The following NLRP7 variants were observed in gnomAD, a reference collection of about 807,000 sequenced individuals.
NLRP7 encodes NLR family pyrin domain containing 7, also known as NACHT, LRR and PYD domains-containing protein 7.
A neutral mutation model predicts 85.5 loss-of-function variants in NLRP7; 72 were observed. The observed-to-expected ratio is 0.84, with a 90% CI of 0.70 to 1.02. The LOEUF (loss-of-function observed/expected upper bound fraction) is 1.02. Among genes scored for constraint, NLRP7 ranks in the 50% least tolerant of loss-of-function variants. The probability of loss-of-function intolerance (pLI) is 0.00; values close to 1 mark genes in which losing one functional copy is unlikely to be tolerated. For missense variants in NLRP7, 1,243 were observed against 1,219.5 expected, an observed-to-expected ratio of 1.02 and a Z score of -0.29; for synonymous variants, 550 against 505.2, an observed-to-expected ratio of 1.09 and a Z score of -1.19.
rs35405359 is a variant in NLRP7, at chr19:54,927,381, C to CAA, written c.2810+3116_2810+3117dup. On this transcript the variant is annotated intron_variant, in intron 9 of 9. Transcript: ENST00000340844. ...GGGCTACAAGAACAAAACTCCGTCT[C>CAA]AAAAAAAAAAAAAGAAAAAGAAAAA... Among the ~76,000 whole-genome samples, 7 of 138,788 alleles carry CAA rather than the reference C, an allele frequency of 5.0e-5. No homozygotes were observed. In the Admixed American group the frequency reaches 5.0e-4, roughly 10 times the overall value. 91.1% of individuals were successfully genotyped at this position (138,788 alleles called of 152,430 possible).
Position 54,938,130 on chromosome 19 carries a change from T to A in NLRP7, c.2043A>T (p.Glu681Asp). ...AGTCACTCAGGAAGCTTTGTTTCAC[T>A]TCCAGAAACTTGAGGTTGCTGTTTG... Residue 681 changes from glutamate to aspartate, a missense_variant, in exon 5 of 10, where the codon GAA becomes GAT. Around this residue, in one of 3 missense-constraint regions of NLRP7, gnomAD observed 613 missense variants for 588.4 expected, o/e 1.04. Transcript: ENST00000340844. 4 of 1,614,094 alleles carry A rather than the reference T, an allele frequency of 2.5e-6. 1 individual carries two copies. The Admixed American group carries it at 5.0e-5, about 20-fold the overall frequency.
At chr19:54,936,509 G>C in intron 5 of NLRP7, 78 bp from the exon 6 acceptor site, 5 of 1,266,118 alleles carry the variant, frequency 3.9e-6, no homozygotes, top group Non-Finnish European at 5.8e-6. Flanking sequence ...ACAAAAAGCT[G>C]TTTCACATTT....
At chr19:54,923,762 G>A (rs544375161) in exon 10 of NLRP7, 9 of 1,613,546 alleles carry the variant, frequency 5.6e-6, no homozygotes, top group South Asian at 4.4e-5. Flanking sequence ...GTCACAGCAC[G>A]GAGGTGCCGT....
intron 1 of NLRP7, among the ~76,000 whole-genome samples, chr19:54,964,358 A>C (rs980309650): frequency 5.4e-5 from 8 of 149,382 alleles, no homozygotes; most frequent in African/African-American, 2.0e-4. Context: ...CTGGGACTAC[A>C]GGTGCCCGCC....
At position 54,943,580 on chromosome 19, in the gene NLRP7, G is replaced by A. The variant is rs535411731; in HGVS notation, c.-39-1830C>T. On this transcript the variant is annotated intron_variant, in intron 1 of 9. Transcript: ENST00000340844. ...CGCGCCACCGCACTCCAGCCTGGGC[G>A]ACAGAGCGAGACTCCGTCTGGGTTG... is the stretch of plus-strand genomic sequence containing the variant. Among the ~76,000 whole-genome samples, 32 of 134,792 alleles carry A rather than the reference G, an allele frequency of 2.4e-4. No individual in the cohort carries two copies. In the South Asian group the frequency reaches 6.9e-3, roughly 29 times the overall value. 88.4% of individuals were successfully genotyped at this position (134,792 alleles called of 152,430 possible). A position where few individuals can be genotyped will look rare whatever the true frequency, so the allele number is the denominator to read the frequency against.
upstream of NLRP7, among the ~76,000 whole-genome samples, chr19:54,951,218 T>G (rs2069657365): frequency 6.6e-6 from 1 of 152,100 alleles, no homozygotes; most frequent in South Asian, 2.1e-4. Context: ...ACAGACACAG[T>G]TACAATCTGA....
At chr19:54,945,192 A>C (rs1409364508) in intron 1 of NLRP7, among the ~76,000 whole-genome samples, 1 of 149,862 alleles carries the variant, frequency 6.7e-6, no homozygotes, top group Non-Finnish European at 1.5e-5. Flanking sequence ...GCAGTGAGCC[A>C]AGATCGCGCC....
exon 2 of NLRP7, chr19:54,941,442 C>T: frequency 1.4e-6 from 2 of 1,464,502 alleles, no homozygotes; most frequent in Admixed American, 1.7e-5. Context: ...TACCCATCAT[C>T]TCAGCCTTTG....
In NLRP7 at chr19:54,938,245, CAGG is replaced by C. The variant is rs2069030432; in HGVS notation, c.1932-7_1932-5del. 5 of 1,613,208 alleles carry C rather than the reference CAGG, an allele frequency of 3.1e-6. No homozygotes were observed. Among genetic ancestry groups the C allele is most frequent in the South Asian group, 1.1e-5 (1 of 91,058 alleles). ...CGGAATGGTTAGGTAAGTGCACCTG[CAGG>C]AGAACACACGTTCATCTCTTAGGAC... On this transcript the variant is annotated splice_region_variant and splice_polypyrimidine_tract_variant and intron_variant, in intron 4 of 9. Transcript: ENST00000340844.
At chr19:54,925,924 C>A (rs1025214092) in intron 9 of NLRP7, among the ~76,000 whole-genome samples, 1 of 151,270 alleles carries the variant, frequency 6.6e-6, no homozygotes, top group African/African-American at 2.4e-5. Context: ...GGCGTGAACC[C>A]GGGAGGTGGA....
chr19:54,941,556 CT>C lies in NLRP7; in HGVS notation c.155del (p.Lys52ArgfsTer16). The C allele has an allele frequency of 6.2e-7, 1 of 1,614,086 alleles. No homozygotes were observed. Among genetic ancestry groups the C allele is most frequent in the South Asian group, 1.1e-5 (1 of 91,088 alleles). On this transcript the variant is annotated frameshift_variant, in exon 2 of 10. Transcript: ENST00000340844. LOFTEE classifies it high-confidence loss of function. ...TGTTGACCAGAATTTCTGCCAGTTT[CT>C]TGCCATCAGCCTCTTCCACCTCAGA...
upstream of NLRP7, among the ~76,000 whole-genome samples, chr19:54,949,416 AAAAG>A (rs375992669): frequency 7.9e-4 from 121 of 152,270 alleles, 1 homozygote; most frequent in African/African-American, 2.6e-3. Flanking sequence ...TCTCTGAAGA[AAAAG>A]AAAATAAAAA....
At chr19:54,927,886 G>T in intron 9 of NLRP7, 111 bp from the exon 10 acceptor site, 1 of 896,084 alleles carries the variant, frequency 1.1e-6, no homozygotes, top group Non-Finnish European at 1.9e-6. Context: ...GAGGCCAGGT[G>T]TTCGAGACCA....
intron 2 of NLRP7, 54 bp from the exon 3 acceptor site, chr19:54,941,059 G>A (rs1412110828): frequency 1.6e-6 from 2 of 1,281,156 alleles, no homozygotes; most frequent in Non-Finnish European, 1.1e-6. Flanking sequence ...TCGTAAATCA[G>A]ACATTATTGT....
At chr19:54,957,346 C>CTTTTT (rs369473061) in intron 1 of NLRP7, among the ~76,000 whole-genome samples, 1 of 128,058 alleles carries the variant, frequency 7.8e-6, no homozygotes, top group African/African-American at 3.1e-5. Context: ...TCTTCTTCTT[C>CTTTTT]TTTTTTTTTT....
At chr19:54,944,424 CAT>C (rs1419925948) in intron 1 of NLRP7, among the ~76,000 whole-genome samples, 13 of 152,286 alleles carry the variant, frequency 8.5e-5, no homozygotes, top group Middle Eastern at 3.4e-3. Context: ...CATTTGCTCA[CAT>C]GTTTTCCTGC....
At chr19:54,952,909 G>A (rs901641103) in intron 1 of NLRP7, among the ~76,000 whole-genome samples, 1 of 151,976 alleles carries the variant, frequency 6.6e-6, no homozygotes, top group African/African-American at 2.4e-5. Context: ...AGGCCGAGGC[G>A]GGTGGATTAC....
chr19:54,941,691 C>T (rs1316421699), exon 2 of NLRP7: 5 of 1,612,880 alleles, frequency 3.1e-6, no homozygotes, highest in Non-Finnish European at 4.2e-6. Context: ...GCAGAGTCCA[C>T]TCTAGCTGGG....
intron 3 of NLRP7, 59 bp downstream of exon 3, chr19:54,940,872 G>T: frequency 3.0e-6 from 3 of 985,456 alleles, no homozygotes; most frequent in Non-Finnish European, 3.3e-6. Context: ...AGGAAGAAGT[G>T]ATGCACCTTG....
Sources: gnomAD v4.1 joint callset for allele counts (sites outside exome capture counted in the v4.1 genomes callset) on GRCh38, gnomAD v4.1.1 for gene constraint, gnomAD v4.1.1 regional missense constraint, MANE v1.5 for transcripts, NCBI Gene and HGNC (gene_info 2026-07-23, HGNC 2026-07-21) for gene names.